JPH3: variants seen among roughly 807,000 people sequenced by gnomAD.
The protein encoded by JPH3 is junctophilin-3.
JPH3 carries 11 observed loss-of-function variants against 59.6 expected under a neutral mutation model. That is an observed-to-expected ratio of 0.18 (90% CI 0.12 to 0.31). The LOEUF (loss-of-function observed/expected upper bound fraction) is 0.31. Among genes scored for constraint, JPH3 ranks in the 10% least tolerant of loss-of-function variants. JPH3 has a pLI of 1.00. For missense variants in JPH3, 1,202 were observed against 1,105.7 expected (o/e 1.09, Z -1.24); for synonymous variants, 673 against 483.6 (o/e 1.39, Z -5.14).
chr16:87,687,368 A>G (rs533101425), intron 3 of JPH3, among the ~76,000 whole-genome samples: 74 of 152,318 alleles, frequency 4.9e-4, no homozygotes, highest in Non-Finnish European at 1.0e-3. Context: ...CTTCTAGAGA[A>G]GCAAACCATC....
chr16:87,634,746 G>A (rs2031677261), intron 1 of JPH3, among the ~76,000 whole-genome samples: 2 of 152,368 alleles, frequency 1.3e-5, no homozygotes, highest in African/African-American at 2.4e-5. Flanking sequence ...CCAGAACGGA[G>A]GCTGTGACCC....
At position 87,694,000 on chromosome 16, in the gene JPH3, C is replaced by T. The variant is rs1037044014; in HGVS notation, c.2167-2580C>T. 2.6e-5 allele frequency: 4 copies of T among 152,394 alleles called. 1 individual carries two copies. The highest frequency in any genetic ancestry group is 6.8e-3 in the Middle Eastern group (2 of 296). The allele number at this position is 152,394 out of a possible 1,614,324, so 9.4% of individuals were successfully genotyped here. A position where few individuals can be genotyped will look rare whatever the true frequency, so the allele number is the denominator to read the frequency against. On this transcript the variant is annotated intron_variant, in intron 4 of 4. Transcript: ENST00000284262. ...CGTGCCGAGTGGTGTTGGCAGGAGC[C>T]TCCCGAGGAAGCTGTGCCAACGCAG...
intron 4 of JPH3, among the ~76,000 whole-genome samples, chr16:87,691,015 G>C (rs112725804): frequency 0.01 from 1,562 of 152,240 alleles, 29 homozygotes; most frequent in African/African-American, 0.034. Context: ...TCACCCATGG[G>C]GGGTGTTGGG....
At chr16:87,625,861 G>T (rs2031355697) in intron 1 of JPH3, among the ~76,000 whole-genome samples, 1 of 151,910 alleles carries the variant, frequency 6.6e-6, no homozygotes, top group African/African-American at 2.4e-5. Context: ...CCTATGGCAT[G>T]TTCACCCCAT....
intron 2 of JPH3, among the ~76,000 whole-genome samples, chr16:87,669,865 G>T (rs577512614): frequency 6.6e-6 from 1 of 152,114 alleles, no homozygotes; most frequent in Non-Finnish European, 1.5e-5. Context: ...GGGACCGGAG[G>T]AGCAGAGAGG....
At chr16:87,658,549 C>G (rs1043512881) in intron 2 of JPH3, among the ~76,000 whole-genome samples, 1 of 152,278 alleles carries the variant, frequency 6.6e-6, no homozygotes, top group Admixed American at 6.5e-5. Context: ...CCTTCTCTCT[C>G]TCTCCCCAAC....
chr16:87,625,887 C>T (rs1419311009), intron 1 of JPH3, among the ~76,000 whole-genome samples: 1 of 152,164 alleles, frequency 6.6e-6, no homozygotes, highest in Non-Finnish European at 1.5e-5. Context: ...CCCCTGATGA[C>T]CTCCACCTGC....
chr16:87,607,150 T>C (rs925843350), intron 1 of JPH3, among the ~76,000 whole-genome samples: 3 of 152,238 alleles, frequency 2.0e-5, no homozygotes, highest in Admixed American at 6.5e-5. Context: ...TGAATGCCCA[T>C]GCACAGACGG....
At chr16:87,677,780 T>G (rs2033188879) in intron 2 of JPH3, among the ~76,000 whole-genome samples, 1 of 152,230 alleles carries the variant, frequency 6.6e-6, no homozygotes, top group South Asian at 2.1e-4. Flanking sequence ...AACACCCACC[T>G]ACGAGTGTGT....
At chr16:87,688,662 C>G (rs74039462) in intron 3 of JPH3, among the ~76,000 whole-genome samples, 10,700 of 151,996 alleles carry the variant, frequency 0.07, 1,182 homozygotes, top group African/African-American at 0.24. Context: ...TCCCCAAATT[C>G]CCACAGAGCT....
intron 1 of JPH3, chr16:87,604,612 T>C (rs1567578497): frequency 8.3e-7 from 1 of 1,205,788 alleles, no homozygotes; most frequent in Non-Finnish European, 1.0e-6. Flanking sequence ...CTGCCGAGAA[T>C]AAAAATCCTG....
rs748262681 is a variant in JPH3, at chr16:87,690,335, G to A, written c.1975G>A (p.Ala659Thr). 1.3e-6 allele frequency: 2 copies of A among 1,580,668 alleles called. No homozygotes were observed. The highest frequency in any genetic ancestry group is 1.2e-5 in the South Asian group (1 of 86,706). ...GFGVQRLRSKAQNKENFRPAS... is the reference protein window; with the variant it reads ...GFGVQRLRSKTQNKENFRPAS... Reference sequence around the variant, plus strand: ...CGGGGTGCAGAGACTGCGGTCCAAGGCCCAGAACAAGGAGAACTTCAGGCC... The same window carrying A: ...CGGGGTGCAGAGACTGCGGTCCAAGACCCAGAACAAGGAGAACTTCAGGCC... The change falls in exon 4 of 5, where the codon GCC becomes ACC. Residue 659 changes from alanine to threonine, a missense_variant. Ala to Thr is a moderately conservative substitution (Grantham distance 58, BLOSUM62 0). Coordinates refer to ENST00000284262, the MANE Select transcript of JPH3 (RefSeq NM_020655.4).
intron 1 of JPH3, among the ~76,000 whole-genome samples, chr16:87,631,086 T>C (rs1418764712): frequency 6.6e-6 from 1 of 152,184 alleles, no homozygotes; most frequent in Admixed American, 6.5e-5. Context: ...GTGAAACACC[T>C]CTCAAATGCA....
At chr16:87,677,318 G>A (rs1042508983) in intron 2 of JPH3, among the ~76,000 whole-genome samples, 2 of 151,870 alleles carry the variant, frequency 1.3e-5, no homozygotes, top group Non-Finnish European at 2.9e-5. Context: ...GGGAGGCAGA[G>A]TTTGCAGTGA....
intron 1 of JPH3, among the ~76,000 whole-genome samples, chr16:87,612,999 C>T (rs1321251501): frequency 1.3e-5 from 2 of 151,492 alleles, no homozygotes; most frequent in East Asian, 3.9e-4. Context: ...GCAGTCCGGC[C>T]TGGGTGAAAG....
At chr16:87,680,148 C>T (rs557564913) in intron 2 of JPH3, among the ~76,000 whole-genome samples, 19 of 152,366 alleles carry the variant, frequency 1.2e-4, no homozygotes, top group African/African-American at 2.6e-4. Flanking sequence ...GCCCTGGGTG[C>T]GCTGTTTCCC....
At chr16:87,622,738 AC>A (rs5818640) in intron 1 of JPH3, among the ~76,000 whole-genome samples, 30,934 of 146,234 alleles carry the variant, frequency 0.21, 3,259 homozygotes, top group East Asian at 0.28. Flanking sequence ...GATAAATCAG[AC>A]CCCCCCCCGC....
intron 1 of JPH3, among the ~76,000 whole-genome samples, chr16:87,623,020 T>C (rs1283442112): frequency 1.3e-5 from 2 of 152,104 alleles, no homozygotes; most frequent in East Asian, 1.9e-4. Flanking sequence ...AGGTCGGCTG[T>C]GGGCAGGGGA....
At chr16:87,642,529 G>T (rs964252523) in intron 1 of JPH3, among the ~76,000 whole-genome samples, 3 of 152,244 alleles carry the variant, frequency 2.0e-5, no homozygotes, top group African/African-American at 7.2e-5. Context: ...TAAAACCTAC[G>T]TATCAGTAAG....
Sources: allele counts gnomAD v4.1 joint callset (sites outside exome capture counted in the v4.1 genomes callset), GRCh38; gene constraint gnomAD v4.1.1; transcripts MANE v1.5; gene names NCBI Gene and HGNC (gene_info 2026-07-23, HGNC 2026-07-21).